The following EPB41L3 variants were observed in gnomAD, a reference collection of about 807,000 sequenced individuals.
EPB41L3 encodes erythrocyte membrane protein band 4.1 like 3, also known as band 4.1-like protein 3.
Under a neutral mutation model 127.1 loss-of-function variants are expected in EPB41L3, and 57 were observed. That is an observed-to-expected ratio of 0.45 (90% CI 0.36 to 0.56). EPB41L3 has a LOEUF of 0.56. Among genes scored for constraint, EPB41L3 ranks in the 20% least tolerant of loss-of-function variants. EPB41L3 has a pLI of 0.00. For missense variants in EPB41L3, 1,273 were observed against 1,372.2 expected (o/e 0.93, Z 1.14); for synonymous variants, 572 against 549.5 (o/e 1.04, Z -0.57).
chr18:5,577,815 A>T (rs2094351598), intron 3 of EPB41L3, among the ~76,000 whole-genome samples: 1 of 152,234 alleles, frequency 6.6e-6, no homozygotes, highest in Non-Finnish European at 1.5e-5. Flanking sequence ...CACAATTGTC[A>T]TATTAATACA....
At chr18:5,438,503 T>C (rs2080200374) in intron 5 of EPB41L3, among the ~76,000 whole-genome samples, 1 of 152,316 alleles carries the variant, frequency 6.6e-6, no homozygotes, top group African/African-American at 2.4e-5. Context: ...ACCACAATCA[T>C]AATTCCCATT....
Position 5,424,367 on chromosome 18 carries a change from A to C in EPB41L3, c.1066-8T>G, listed in dbSNP as rs769713630. On this transcript the variant is annotated splice_region_variant and splice_polypyrimidine_tract_variant and intron_variant, in intron 9 of 22. Coordinates refer to ENST00000341928, the MANE Select transcript of EPB41L3 (RefSeq NM_012307.5). ...GCTTTCAAATTGTTCAAACTAAATAAAAAAAAATACATTGAAGAGTAAAGT... is the reference window on the plus strand; with the variant it reads ...GCTTTCAAATTGTTCAAACTAAATACAAAAAAATACATTGAAGAGTAAAGT... The C allele has an allele frequency of 2.5e-6, 4 of 1,579,556 alleles. No homozygotes were observed. In the African/African-American group the frequency reaches 4.1e-5, roughly 16 times the overall value.
intron 1 of EPB41L3, among the ~76,000 whole-genome samples, chr18:5,492,355 C>G (rs961471899): frequency 3.2e-5 from 4 of 125,454 alleles, no homozygotes; most frequent in Non-Finnish European, 6.1e-5. Context: ...ATATGCCTAA[C>G]TTTAACTCGT....
chr18:5,418,825 T>C (rs958385821), intron 12 of EPB41L3, among the ~76,000 whole-genome samples: 40 of 152,328 alleles, frequency 2.6e-4, no homozygotes, highest in African/African-American at 8.9e-4. Flanking sequence ...TCTCCATCTC[T>C]ATTTGAAGAG....
chr18:5,437,363 G>A (rs751068056), intron 6 of EPB41L3, among the ~76,000 whole-genome samples: 2 of 152,160 alleles, frequency 1.3e-5, no homozygotes, highest in African/African-American at 4.8e-5. Context: ...CTGACCTGCG[G>A]GCACCCTGAT....
chr18:5,477,680 G>A (rs553176508), intron 3 of EPB41L3, among the ~76,000 whole-genome samples: 9 of 152,194 alleles, frequency 5.9e-5, no homozygotes, highest in East Asian at 3.9e-4. Context: ...GCATTCAACC[G>A]CCCTTTCTCT....
At chr18:5,521,403 A>G (rs887141743) in intron 1 of EPB41L3, 3 of 152,188 alleles carry the variant, frequency 2.0e-5, no homozygotes, top group African/African-American at 7.2e-5. Flanking sequence ...AACCCCCAAC[A>G]TTATCTAGCT....
chr18:5,444,459 A>G (rs2081210337), intron 4 of EPB41L3, among the ~76,000 whole-genome samples: 1 of 152,214 alleles, frequency 6.6e-6, no homozygotes, highest in Admixed American at 6.5e-5. Flanking sequence ...AACAACTATG[A>G]GCAAAATTTC....
chr18:5,593,868 G>A (rs1242050740), intron 3 of EPB41L3, among the ~76,000 whole-genome samples: 1 of 152,170 alleles, frequency 6.6e-6, no homozygotes, highest in Non-Finnish European at 1.5e-5. Flanking sequence ...AGAGAAATAT[G>A]GCTCTGTTCC....
At chr18:5,585,810 G>T (rs971355511) in intron 3 of EPB41L3, among the ~76,000 whole-genome samples, 1 of 152,128 alleles carries the variant, frequency 6.6e-6, no homozygotes, top group African/African-American at 2.4e-5. Flanking sequence ...GAAGACTAAA[G>T]AATTAGCCTG....
intron 3 of EPB41L3, among the ~76,000 whole-genome samples, chr18:5,577,989 A>G (rs949101038): frequency 6.6e-6 from 1 of 152,096 alleles, no homozygotes; most frequent in Non-Finnish European, 1.5e-5. Context: ...TTTATTCTCT[A>G]AAGTTCAACA....
intron 3 of EPB41L3, among the ~76,000 whole-genome samples, chr18:5,459,893 T>G (rs1306788798): frequency 6.6e-6 from 1 of 152,232 alleles, no homozygotes; most frequent in African/African-American, 2.4e-5. Flanking sequence ...ACTTTTAAAT[T>G]TCTCTTTTAT....
At chr18:5,562,756 C>G (rs1463900310) in intron 3 of EPB41L3, among the ~76,000 whole-genome samples, 1 of 152,186 alleles carries the variant, frequency 6.6e-6, no homozygotes, top group Non-Finnish European at 1.5e-5. Context: ...CTCCACGAAG[C>G]CCCTGAGGAT....
At chr18:5,413,611 T>C (rs960938669) in intron 13 of EPB41L3, among the ~76,000 whole-genome samples, 7 of 152,196 alleles carry the variant, frequency 4.6e-5, no homozygotes, top group Admixed American at 2.0e-4. Flanking sequence ...TGTAAGCAAA[T>C]GGCAATTTAA....
At position 5,398,148 on chromosome 18, in the gene EPB41L3, G is replaced by A. The variant is rs1425212219; in HGVS notation, c.2350-5C>T. On this transcript the variant is annotated splice_polypyrimidine_tract_variant and splice_region_variant and intron_variant, in intron 16 of 22. Transcript: ENST00000341928. ...TTCCCCAGAAGACTGCTTAGTCTGA[G>A]TGAACAAAGAGAGGCAGAGTCAAGC... 7 of 1,613,834 alleles carry A rather than the reference G, an allele frequency of 4.3e-6. No individual in the cohort carries two copies. Among genetic ancestry groups the A allele is most frequent in the Non-Finnish European group, 5.9e-6 (7 of 1,180,002 alleles).
intron 1 of EPB41L3, among the ~76,000 whole-genome samples, chr18:5,498,378 G>A (rs1028791614): frequency 1.3e-5 from 2 of 152,080 alleles, no homozygotes; most frequent in African/African-American, 4.8e-5. Context: ...TGGATCACCT[G>A]AGGTAAGAAG....
chr18:5,415,754 A>G (rs914946190), intron 13 of EPB41L3, 64 bp downstream of exon 13: 25 of 1,485,680 alleles, frequency 1.7e-5, no homozygotes, highest in Non-Finnish European at 2.3e-5. Context: ...GCAGCCAGCT[A>G]ACACTGTTTC....
rs910754532 is a variant in EPB41L3, at chr18:5,498,980, G to A, written c.-11-9786C>T. ...AATGGTTCCCTAAAAGGAAAGTTGT[G>A]TCTAAAATGCACAGGATCTTCATGA... is the stretch of plus-strand genomic sequence containing the variant. On this transcript the variant is annotated intron_variant, in intron 1 of 22. Transcript: ENST00000341928. Among the ~76,000 whole-genome samples, 3 of 152,172 alleles carry A rather than the reference G, an allele frequency of 2.0e-5. No individual in the cohort carries two copies. In the South Asian group the frequency reaches 6.2e-4, roughly 32 times the overall value.
At chr18:5,547,354 A>C (rs1477643972), upstream of EPB41L3, among the ~76,000 whole-genome samples, 1 of 152,208 alleles carries the variant, frequency 6.6e-6, no homozygotes, top group Non-Finnish European at 1.5e-5. Context: ...CCGTTTACAC[A>C]GTCCTAGAAT....
Sources: gnomAD v4.1 joint callset for allele counts (sites outside exome capture counted in the v4.1 genomes callset) on GRCh38, gnomAD v4.1.1 for gene constraint, MANE v1.5 for transcripts, NCBI Gene and HGNC (gene_info 2026-07-23, HGNC 2026-07-21) for gene names.